The following ADNP variants were observed in gnomAD, a reference collection of about 807,000 sequenced individuals.
The protein encoded by ADNP is activity-dependent neuroprotector homeobox protein.
ADNP carries 4 observed loss-of-function variants against 84.9 expected under a neutral mutation model. That is an observed-to-expected ratio of 0.05 (90% confidence interval 0.02 to 0.11). The LOEUF (loss-of-function observed/expected upper bound fraction) is 0.11, where lower values mean the gene tolerates loss of function less well. Among genes scored for constraint, ADNP ranks in the 10% least tolerant of loss-of-function variants. ADNP has a pLI of 1.00. For synonymous variants in ADNP, 554 were observed against 468.1 expected, an observed-to-expected ratio of 1.18 and a Z score of -2.37; for missense variants, 1,132 against 1,326.0, an observed-to-expected ratio of 0.85 and a Z score of 2.27.
At chr20:50,928,392 A>T (rs913203517) in intron 2 of ADNP, among the ~76,000 whole-genome samples, 1 of 152,188 alleles carries the variant, frequency 6.6e-6, no homozygotes, top group South Asian at 2.1e-4. Flanking sequence ...CTGAATACTT[A>T]TACTTTATAC....
chr20:50,906,868 C>T (rs191012840), intron 2 of ADNP, among the ~76,000 whole-genome samples: 35 of 151,896 alleles, frequency 2.3e-4, no homozygotes, highest in African/African-American at 8.2e-4. Context: ...AGCAGTGACA[C>T]TGCTTACTGG....
At position 50,911,939 on chromosome 20, in the gene ADNP, A is replaced by C. The variant is rs557918591; in HGVS notation, c.-89-7090T>G. Among the ~76,000 whole-genome samples, 5 of 152,150 alleles carry C rather than the reference A, an allele frequency of 3.3e-5. No homozygotes were observed. In the East Asian group the frequency reaches 7.7e-4, roughly 23 times the overall value. On this transcript the variant is annotated intron_variant, in intron 2 of 5. Transcript: ENST00000621696. ...GTCATAGTGTGTCCTACTTTCCTTC[A>C]ACTGCAGGTGTAAACTTTGCTACTT...
intron 2 of ADNP, among the ~76,000 whole-genome samples, chr20:50,925,915 AC>A (rs1420399118): frequency 1.3e-5 from 2 of 152,262 alleles, no homozygotes; most frequent in Admixed American, 1.3e-4. Context: ...AGCTTGGCCA[AC>A]ATGGCGAAAT....
At chr20:50,903,771 C>T in intron 4 of ADNP, 118 bp downstream of exon 4, 1 of 730,222 alleles carries the variant, frequency 1.4e-6, no homozygotes, top group Non-Finnish European at 2.3e-6. Context: ...TTTCGTGAAG[C>T]TACTGCTGTG....
At position 50,893,497 on chromosome 20, in the gene ADNP, T is replaced by G; in HGVS notation, c.1217A>C (p.Gln406Pro). 1 of 1,613,870 alleles carries G rather than the reference T, an allele frequency of 6.2e-7. No individual in the cohort carries two copies. The highest frequency in any genetic ancestry group is 1.1e-5 in the South Asian group (1 of 91,080). The change falls in exon 6 of 6, where the codon CAG becomes CCG. Residue 406 changes from glutamine (Q) to proline (P), a missense_variant. Physicochemically the swap from Gln to Pro is moderately conservative, Grantham distance 76. Coordinates refer to ENST00000621696, the MANE Select transcript of ADNP (RefSeq NM_001282531.3). This position sits in a 1 kb window ranked among gnomAD's most constrained non-coding sequence, Gnocchi z 4.4. ...CTGAGAGAGGGAAGGAGACTTTAAC[T>G]GGCCCGATGAGAGAGAAGAGGCATT... ...SANASSLSSG[Q>P]LKSPSLSQSQ...
At chr20:50,911,808 C>T (rs1983067025) in intron 2 of ADNP, among the ~76,000 whole-genome samples, 3 of 152,034 alleles carry the variant, frequency 2.0e-5, no homozygotes, top group South Asian at 2.1e-4. Flanking sequence ...CAAAAGACAA[C>T]CCAGCTACCT....
chr20:50,890,989 T>C lies in ADNP; in HGVS notation c.*416A>G. 4 of 996,018 alleles carry C rather than the reference T, an allele frequency of 4.0e-6. No homozygotes were observed. The highest frequency in any genetic ancestry group is 4.8e-6 in the Non-Finnish European group (4 of 837,612). 61.7% of individuals were successfully genotyped at this position (996,018 alleles called of 1,614,324 possible). A position where few individuals can be genotyped will look rare whatever the true frequency, so the allele number is the denominator to read the frequency against. ...TTCAGAATGAATACATGAAAAAAAATCGCTTTTCCCAAAGTCTACTATACA... is the reference window on the plus strand; with the variant it reads ...TTCAGAATGAATACATGAAAAAAAACCGCTTTTCCCAAAGTCTACTATACA... On this transcript the variant is annotated 3_prime_UTR_variant, in exon 6 of 6. Coordinates refer to ENST00000621696, the MANE Select transcript of ADNP (RefSeq NM_001282531.3).
chr20:50,918,239 T>C (rs985426996), intron 2 of ADNP, among the ~76,000 whole-genome samples: 1 of 152,212 alleles, frequency 6.6e-6, no homozygotes, highest in Non-Finnish European at 1.5e-5. Context: ...AGTCTGCTTA[T>C]AATTTCAACA....
chr20:50,916,523 A>G (rs1051058098), intron 2 of ADNP, among the ~76,000 whole-genome samples: 2 of 152,186 alleles, frequency 1.3e-5, no homozygotes, highest in Non-Finnish European at 2.9e-5. Context: ...GCCACTCTCC[A>G]AAGGATAAGC....
rs1012305193 is a variant in ADNP at position 50,914,862 on chromosome 20, C to T, written c.-89-10013G>A. 1.8e-4 allele frequency among the ~76,000 whole-genome samples: 27 copies of T among 152,296 alleles called. 1 individual carries two copies. The highest frequency in any genetic ancestry group is 1.5e-4 in the Non-Finnish European group (10 of 68,036). ...GCCAGACAGTTGTTTTTTTCCCCAACCATGAGATTTTATTTTTGTGATAGG... is the reference window on the plus strand; with the variant it reads ...GCCAGACAGTTGTTTTTTTCCCCAATCATGAGATTTTATTTTTGTGATAGG... On this transcript the variant is annotated intron_variant, in intron 2 of 5. Coordinates refer to ENST00000621696, the MANE Select transcript of ADNP (RefSeq NM_001282531.3).
rs889974054 is a variant in ADNP at position 50,891,269 on chromosome 20, G to A, written c.*136C>T. ...TGTCATAGACTTAGAAATAACCACT[G>A]GAACTGCAGCGGCCACATGCCCCAC... is the stretch of plus-strand genomic sequence containing the variant. On this transcript the variant is annotated 3_prime_UTR_variant, in exon 6 of 6. Transcript: ENST00000621696. 7.0e-7 allele frequency: 1 copy of A among 1,421,370 alleles called. No homozygotes were observed. The highest frequency in any genetic ancestry group is 9.1e-7 in the Non-Finnish European group (1 of 1,094,190). 88.0% of individuals were successfully genotyped at this position (1,421,370 alleles called of 1,614,324 possible). A position where few individuals can be genotyped will look rare whatever the true frequency, so the allele number is the denominator to read the frequency against.
At chr20:50,924,919 C>G (rs1347913183) in intron 2 of ADNP, among the ~76,000 whole-genome samples, 1 of 152,198 alleles carries the variant, frequency 6.6e-6, no homozygotes, top group East Asian at 1.9e-4. Flanking sequence ...ATATTCAGAG[C>G]AGGCTTCCCT....
intron 2 of ADNP, among the ~76,000 whole-genome samples, chr20:50,919,911 A>G (rs1220426990): frequency 2.6e-5 from 4 of 152,162 alleles, no homozygotes; most frequent in Non-Finnish European, 1.5e-5. Context: ...GTCTGCTGCC[A>G]TGTCTGGTAG....
At chr20:50,924,857 T>C (rs1984184326) in intron 2 of ADNP, among the ~76,000 whole-genome samples, 1 of 152,250 alleles carries the variant, frequency 6.6e-6, no homozygotes, top group Non-Finnish European at 1.5e-5. Context: ...TCTTTTAGAT[T>C]ACGTGTATGC....
chr20:50,890,306 T>C lies in ADNP; in HGVS notation c.*1099A>G, dbSNP rs796263617. On this transcript the variant is annotated 3_prime_UTR_variant, in exon 6 of 6. Transcript: ENST00000621696. The stretch of plus-strand genomic sequence containing the variant: ...TGGCATTAAATGGCAAAAGATATAA[T>C]GGACACACAGGACTGTCATGTGTAA... 6.2e-5 allele frequency: 10 copies of C among 161,140 alleles called. No individual in the cohort carries two copies. The East Asian group carries it at 1.5e-3, about 24-fold the overall frequency. 10.0% of individuals were successfully genotyped at this position (161,140 alleles called of 1,614,324 possible).
At chr20:50,902,156 C>T (rs759333849) in intron 4 of ADNP, 47 bp from the exon 5 acceptor site, 3 of 1,362,422 alleles carry the variant, frequency 2.2e-6, no homozygotes, top group South Asian at 1.2e-5. Flanking sequence ...GGTATAAACG[C>T]TAACCCAATC....
At chr20:50,894,582 C>A in intron 5 of ADNP, 70 bp from the exon 6 acceptor site, 1 of 1,478,832 alleles carries the variant, frequency 6.8e-7, no homozygotes, top group South Asian at 1.4e-5. Context: ...CCAGATCCCC[C>A]CCGGATATTC....
At chr20:50,925,263 T>TAC (rs57985341) in intron 2 of ADNP, among the ~76,000 whole-genome samples, 12,070 of 149,012 alleles carry the variant, frequency 0.081, 521 homozygotes, top group East Asian at 0.082. Flanking sequence ...TGACTTCCTA[T>TAC]ACACACACAC....
chr20:50,927,201 A>G (rs1435159486), intron 2 of ADNP, among the ~76,000 whole-genome samples: 3 of 152,180 alleles, frequency 2.0e-5, no homozygotes, highest in Non-Finnish European at 4.4e-5. Flanking sequence ...GTATAAGGAG[A>G]AAAAGATAAA....
Sources: gnomAD v4.1 joint callset for allele counts (sites outside exome capture counted in the v4.1 genomes callset) on GRCh38, gnomAD v4.1.1 for gene constraint, Gnocchi (gnomAD v3.1) non-coding constraint, MANE v1.5 for transcripts, NCBI Gene and HGNC (gene_info 2026-07-23, HGNC 2026-07-21) for gene names.